Variants in AGAP1 observed in about 807,000 individuals in gnomAD.
The protein encoded by AGAP1 is arf-GAP with GTPase, ANK repeat and PH domain-containing protein 1.
Under a neutral mutation model 105.3 loss-of-function variants are expected in AGAP1, and 29 were observed. That is an observed-to-expected ratio of 0.28 (90% CI 0.21 to 0.38). The LOEUF is 0.38. Among genes scored for constraint, AGAP1 ranks in the 10% least tolerant of loss-of-function variants. AGAP1 has a pLI of 1.00. For synonymous variants in AGAP1, 509 were observed against 485.9 expected (o/e 1.05, Z -0.63); for missense variants, 998 against 1,165.1 (o/e 0.86, Z 2.09).
chr2:235,836,527 C>G (rs981505602), intron 9 of AGAP1, among the ~76,000 whole-genome samples: 3 of 152,218 alleles, frequency 2.0e-5, no homozygotes, highest in African/African-American at 4.8e-5. Flanking sequence ...ACTGTGATAT[C>G]GAAGTCAGTG....
intron 10 of AGAP1, among the ~76,000 whole-genome samples, chr2:235,902,290 A>G (rs1283239574): frequency 6.6e-6 from 1 of 152,222 alleles, no homozygotes; most frequent in East Asian, 1.9e-4. Flanking sequence ...ACACTTCACC[A>G]AAACTCAACA....
chr2:235,838,545 CA>C (rs1379836018), intron 9 of AGAP1, among the ~76,000 whole-genome samples: 4 of 152,138 alleles, frequency 2.6e-5, no homozygotes, highest in Non-Finnish European at 4.4e-5. Context: ...TTGTACCAGC[CA>C]GCATTTACTG....
At position 235,893,134 on chromosome 2, in the gene AGAP1, G is replaced by T. The variant is rs2050622693; in HGVS notation, c.1155+9685G>T. On this transcript the variant is annotated intron_variant, in intron 10 of 17. Transcript: ENST00000304032. The surrounding 1 kb of genome is among the most constrained non-coding windows in gnomAD (Gnocchi z 4.7). ...GTCCTCATAAGGGTGCGCCATGTCT[G>T]TGGCGTAGTGTGCACCGTGTCCATC... is the stretch of plus-strand genomic sequence containing the variant. Among the ~76,000 whole-genome samples the T allele has an allele frequency of 2.0e-5, 3 of 151,098 alleles. No individual in the cohort carries two copies. Among genetic ancestry groups the T allele is most frequent in the Non-Finnish European group, 1.5e-5 (1 of 67,834 alleles).
Position 235,970,866 on chromosome 2 carries a change from G to T in AGAP1, c.1645+2243G>T, listed in dbSNP as rs535680113. On this transcript the variant is annotated intron_variant, in intron 13 of 17. Coordinates refer to ENST00000304032, the MANE Select transcript of AGAP1 (RefSeq NM_001037131.3). This position sits in a 1 kb window ranked among gnomAD's most constrained non-coding sequence, Gnocchi z 5.4. Reference sequence around the variant, plus strand: ...GCTGAGTGAGTGGGATGGTATGTGTGTGCGAGGCAATAGTGGATACCCAGG... The same window carrying T: ...GCTGAGTGAGTGGGATGGTATGTGTTTGCGAGGCAATAGTGGATACCCAGG... 6.6e-6 allele frequency among the ~76,000 whole-genome samples: 1 copy of T among 152,188 alleles called. No individual in the cohort carries two copies. The highest frequency in any genetic ancestry group is 1.5e-5 in the Non-Finnish European group (1 of 68,040).
intron 13 of AGAP1, among the ~76,000 whole-genome samples, chr2:236,023,641 T>G (rs932480467): frequency 6.6e-6 from 1 of 152,100 alleles, no homozygotes; most frequent in African/African-American, 2.4e-5. Flanking sequence ...GTCCCGTCTT[T>G]TCGGTGGTGC....
At chr2:235,669,603 C>T (rs13008979) in intron 1 of AGAP1, 3 of 147,166 alleles carry the variant, frequency 2.0e-5, no homozygotes, top group Non-Finnish European at 4.5e-5. Flanking sequence ...CCCGCCCCGG[C>T]GCGCGTTTCC....
chr2:235,603,273 G>A (rs1025137745), intron 1 of AGAP1, among the ~76,000 whole-genome samples: 1 of 152,152 alleles, frequency 6.6e-6, no homozygotes, highest in South Asian at 2.1e-4. Context: ...TGCCATGATT[G>A]TGAGGCCTCC....
rs2051415892 is a variant in AGAP1 at position 235,908,518 on chromosome 2, C to T, written c.1156-220C>T. Among the ~76,000 whole-genome samples the T allele has an allele frequency of 6.6e-6, 1 of 152,022 alleles. No homozygotes were observed. Among genetic ancestry groups the T allele is most frequent in the Admixed American group, 6.6e-5 (1 of 15,264 alleles). On this transcript the variant is annotated intron_variant, in intron 10 of 17. Coordinates refer to ENST00000304032, the MANE Select transcript of AGAP1 (RefSeq NM_001037131.3). This position sits in a 1 kb window ranked among gnomAD's most constrained non-coding sequence, Gnocchi z 4.4. Reference sequence around the variant, plus strand: ...TGTGTCTCTCCTTACATCTCTAGGTCCTGGATTAGTTCAGGACACAGAAGC... The same window carrying T: ...TGTGTCTCTCCTTACATCTCTAGGTTCTGGATTAGTTCAGGACACAGAAGC...
At position 235,740,993 on chromosome 2, in the gene AGAP1, A is replaced by T. The variant is rs756920826; in HGVS notation, c.341A>T (p.Asp114Val). Residue 114 changes from aspartate to valine, a missense_variant, in exon 4 of 18, where the codon GAT becomes GTT. By Grantham distance (152) the Asp-to-Val change is radical (BLOSUM62 -3). Transcript: ENST00000304032. The surrounding 1 kb of genome is among the most constrained non-coding windows in gnomAD (Gnocchi z 5.7). ...GGRFKKEIVVDGQSYLLLIRD... is the reference protein window; with the variant it reads ...GGRFKKEIVVVGQSYLLLIRD... Reference sequence around the variant, plus strand: ...AGGTTCAAGAAAGAGATTGTCGTTGATGGACAGAGCTATCTGCTGCTGATC... The same window carrying T: ...AGGTTCAAGAAAGAGATTGTCGTTGTTGGACAGAGCTATCTGCTGCTGATC... The T allele has an allele frequency of 7.4e-5, 119 of 1,614,180 alleles. 3 individuals are homozygous for T. The South Asian group carries it at 1.0e-3, about 14-fold the overall frequency.
chr2:235,564,726 A>G (rs1944287251), intron 1 of AGAP1, among the ~76,000 whole-genome samples: 1 of 145,246 alleles, frequency 6.9e-6, no homozygotes, highest in South Asian at 2.3e-4. Context: ...ACCCAGGGCC[A>G]GGTGTGAGCC....
chr2:235,924,364 G>A (rs7584285), intron 11 of AGAP1, among the ~76,000 whole-genome samples: 4,687 of 152,062 alleles, frequency 0.031, 282 homozygotes, highest in African/African-American at 0.11. Context: ...CTTGCGTTTG[G>A]GCCACATGTG....
chr2:235,765,186 G>A (rs1244000154), intron 6 of AGAP1, among the ~76,000 whole-genome samples: 1 of 42,164 alleles, frequency 2.4e-5, no homozygotes, highest in Non-Finnish European at 4.4e-5. Context: ...GGGAGCGTCC[G>A]TGGGGTGGGC....
At chr2:236,088,974 C>CA (rs1218351846) in intron 16 of AGAP1, among the ~76,000 whole-genome samples, 1 of 152,180 alleles carries the variant, frequency 6.6e-6, no homozygotes, top group African/African-American at 2.4e-5. Flanking sequence ...TCAAAGAACT[C>CA]ACTTCTACCA....
intron 1 of AGAP1, among the ~76,000 whole-genome samples, chr2:235,528,516 G>A (rs1942930986): frequency 6.6e-6 from 1 of 152,176 alleles, no homozygotes; most frequent in African/African-American, 2.4e-5. Context: ...CAGTGTGTGG[G>A]AGTTGCATAT....
At chr2:235,922,659 A>G (rs1349626077) in intron 11 of AGAP1, among the ~76,000 whole-genome samples, 1 of 152,266 alleles carries the variant, frequency 6.6e-6, no homozygotes, top group African/African-American at 2.4e-5. Context: ...GCTATTTTTA[A>G]TGTAATAAGC....
intron 12 of AGAP1, among the ~76,000 whole-genome samples, chr2:235,941,691 T>C (rs2053264016): frequency 6.6e-6 from 1 of 152,152 alleles, no homozygotes; most frequent in Non-Finnish European, 1.5e-5. Context: ...CTTTATCGTA[T>C]GCAGTGGTGT....
At position 236,129,219 on chromosome 2, in the gene AGAP1, C is replaced by G. The variant is rs921069383; in HGVS notation, c.*5097C>G. The G allele has an allele frequency of 4.6e-5, 7 of 152,320 alleles. No individual in the cohort carries two copies. The highest frequency in any genetic ancestry group is 1.3e-4 in the Admixed American group (2 of 15,284). 9.4% of individuals were successfully genotyped at this position (152,320 alleles called of 1,614,324 possible). On this transcript the variant is annotated 3_prime_UTR_variant, in exon 18 of 18. Transcript: ENST00000304032. The surrounding 1 kb of genome is among the most constrained non-coding windows in gnomAD (Gnocchi z 6.2). ...TGTGTCTTTAATGCTGCTCCCCATG[C>G]CCCCAGGCCAGGCCAGCACGCTCAG...
chr2:235,752,823 A>G lies in AGAP1; in HGVS notation c.673+2335A>G, dbSNP rs1273280098. On this transcript the variant is annotated intron_variant, in intron 6 of 17. Transcript: ENST00000304032. The surrounding 1 kb of genome is among the most constrained non-coding windows in gnomAD (Gnocchi z 4.3). ...TCAGGATGATGCTGCCTTCCTGCCAAACAGCCTTTGTACGTTCTGGCTGCT... is the reference window on the plus strand; with the variant it reads ...TCAGGATGATGCTGCCTTCCTGCCAGACAGCCTTTGTACGTTCTGGCTGCT... Among the ~76,000 whole-genome samples, 2 of 152,224 alleles carry G rather than the reference A, an allele frequency of 1.3e-5. No individual in the cohort carries two copies. The highest frequency in any genetic ancestry group is 3.8e-4 in the East Asian group (2 of 5,198).
At position 235,555,582 on chromosome 2, in the gene AGAP1, A is replaced by G. The variant is rs750506578; in HGVS notation, c.163+60733A>G. On this transcript the variant is annotated intron_variant, in intron 1 of 17. Transcript: ENST00000304032. The surrounding 1 kb of genome is among the most constrained non-coding windows in gnomAD (Gnocchi z 5.1). ...TGTCCTGCAGCAGGAAGAGGTAGTCATGTTTGGAGGCCGGGCTGTGCATGA... is the reference window on the plus strand; with the variant it reads ...TGTCCTGCAGCAGGAAGAGGTAGTCGTGTTTGGAGGCCGGGCTGTGCATGA... 1.3e-5 allele frequency among the ~76,000 whole-genome samples: 2 copies of G among 152,174 alleles called. No individual in the cohort carries two copies. The highest frequency in any genetic ancestry group is 2.9e-5 in the Non-Finnish European group (2 of 68,024).
Sources: allele counts gnomAD v4.1 joint callset (sites outside exome capture counted in the v4.1 genomes callset), GRCh38; gene constraint gnomAD v4.1.1; non-coding constraint Gnocchi (gnomAD v3.1); transcripts MANE v1.5; gene names NCBI Gene and HGNC (gene_info 2026-07-23, HGNC 2026-07-21).